Variants in ATP13A4 observed in about 807,000 individuals in gnomAD.
The protein encoded by ATP13A4 is ATPase 13A4, also known as probable cation-transporting ATPase 13A4.
A neutral mutation model predicts 142.5 loss-of-function variants in ATP13A4; 114 were observed. The ratio of observed to expected loss-of-function variants is 0.80; its 90% CI spans 0.69 to 0.93. The LOEUF (loss-of-function observed/expected upper bound fraction) is 0.93, where lower values mean the gene tolerates loss of function less well. ATP13A4 is among the 40% of genes least tolerant of loss of function. The pLI is 0.00. For synonymous variants in ATP13A4, 488 were observed against 514.8 expected, an observed-to-expected ratio of 0.95 and a Z score of 0.70; for missense variants, 1,392 against 1,454.0, an observed-to-expected ratio of 0.96 and a Z score of 0.69.
intron 25 of ATP13A4, among the ~76,000 whole-genome samples, chr3:193,425,514 T>C (rs76966919): frequency 0.014 from 2,067 of 151,850 alleles, 39 homozygotes; most frequent in African/African-American, 0.039. Flanking sequence ...CACGATGGAA[T>C]ACTATTGAGC....
chr3:193,447,097 G>T (rs116173858), intron 18 of ATP13A4, among the ~76,000 whole-genome samples: 1,666 of 152,264 alleles, frequency 0.011, 36 homozygotes, highest in African/African-American at 0.039. Context: ...ATTTCAATAT[G>T]AGAAAAGAGG....
intron 1 of ATP13A4, chr3:193,554,475 C>A: frequency 1.9e-6 from 1 of 536,320 alleles, no homozygotes; most frequent in Admixed American, 3.0e-5. Context: ...GCTTCTCTCC[C>A]TCTCTGTTTT....
At chr3:193,538,497 TAAA>T (rs376175094) in intron 1 of ATP13A4, among the ~76,000 whole-genome samples, 1 of 122,282 alleles carries the variant, frequency 8.2e-6, no homozygotes. Context: ...GAATCCACAT[TAAA>T]AAAAAAAAAA....
intron 25 of ATP13A4, among the ~76,000 whole-genome samples, chr3:193,417,972 A>G (rs1259510364): frequency 6.9e-6 from 1 of 145,488 alleles, no homozygotes. Context: ...AATACAAAAA[A>G]TTAGCCGGGC....
chr3:193,461,082 G>GTT (rs1209852241), intron 13 of ATP13A4, among the ~76,000 whole-genome samples: 1 of 152,056 alleles, frequency 6.6e-6, no homozygotes, highest in African/African-American at 2.4e-5. Flanking sequence ...TTGGAAGGCA[G>GTT]GAAGGCAGCA....
chr3:193,478,273 C>T lies in ATP13A4; in HGVS notation c.808+5663G>A, dbSNP rs141184164. Reference sequence around the variant, plus strand: ...GCAGAAGAAAATAAATAACCAAGATCAGAGCAGAACTAAATGAAATTGAAA... The same window carrying T: ...GCAGAAGAAAATAAATAACCAAGATTAGAGCAGAACTAAATGAAATTGAAA... On this transcript the variant is annotated intron_variant, in intron 8 of 29. Coordinates refer to ENST00000342695, the MANE Select transcript of ATP13A4 (RefSeq NM_032279.4). Among the ~76,000 whole-genome samples the T allele has an allele frequency of 1.1e-4, 17 of 151,184 alleles. No homozygotes were observed. The East Asian group carries it at 3.3e-3, about 29-fold the overall frequency.
chr3:193,412,532 C>G (rs1714823975), intron 26 of ATP13A4, among the ~76,000 whole-genome samples, 161 bp from the exon 27 acceptor site: 1 of 151,610 alleles, frequency 6.6e-6, no homozygotes, highest in Admixed American at 6.6e-5. Context: ...CACACACACA[C>G]ACACACACAC....
At chr3:193,435,574 G>A (rs1716218358) in intron 24 of ATP13A4, 74 bp downstream of exon 24, 2 of 1,133,062 alleles carry the variant, frequency 1.8e-6, no homozygotes, top group African/African-American at 1.5e-5. Flanking sequence ...TTCTTTGAGA[G>A]GCATTGTAAA....
At chr3:193,493,503 A>G (rs1287796465) in intron 3 of ATP13A4, among the ~76,000 whole-genome samples, 1 of 152,176 alleles carries the variant, frequency 6.6e-6, no homozygotes, top group Non-Finnish European at 1.5e-5. Context: ...AAATAAAAAC[A>G]TAATAACATA....
Position 193,401,689 on chromosome 3 carries a change from C to T in ATP13A4, c.*963G>A, listed in dbSNP as rs887313407. Among the ~76,000 whole-genome samples, 11 of 152,110 alleles carry T rather than the reference C, an allele frequency of 7.2e-5. No individual in the cohort carries two copies. Among genetic ancestry groups the T allele is most frequent in the African/African-American group, 2.7e-4 (11 of 41,420 alleles). ...TGGTACAAAATGAAAATATGGGGACCCCTGTTCAAAAATTAAGAATTTTAA... is the reference window on the plus strand; with the variant it reads ...TGGTACAAAATGAAAATATGGGGACTCCTGTTCAAAAATTAAGAATTTTAA... On this transcript the variant is annotated 3_prime_UTR_variant, in exon 30 of 30. Coordinates refer to ENST00000342695, the MANE Select transcript of ATP13A4 (RefSeq NM_032279.4).
At chr3:193,541,732 C>T (rs1722942365) in intron 1 of ATP13A4, among the ~76,000 whole-genome samples, 1 of 152,106 alleles carries the variant, frequency 6.6e-6, no homozygotes, top group Admixed American at 6.5e-5. Context: ...GACTCTGACC[C>T]CAACTCTAGG....
At chr3:193,532,124 G>A (rs562706076) in intron 1 of ATP13A4, among the ~76,000 whole-genome samples, 1 of 152,106 alleles carries the variant, frequency 6.6e-6, no homozygotes, top group South Asian at 2.1e-4. Context: ...AGAGGACCAG[G>A]GCATTGCCAG....
At chr3:193,468,335 A>T (rs1718424541) in intron 9 of ATP13A4, among the ~76,000 whole-genome samples, 1 of 152,212 alleles carries the variant, frequency 6.6e-6, no homozygotes, top group African/African-American at 2.4e-5. Flanking sequence ...AAGTCTGGTG[A>T]GGTTGGAGGC....
intron 1 of ATP13A4, among the ~76,000 whole-genome samples, chr3:193,528,759 T>C (rs1052511324): frequency 6.6e-6 from 1 of 152,172 alleles, no homozygotes; most frequent in Admixed American, 6.5e-5. Flanking sequence ...AAAAACTTTA[T>C]ATTACCACAC....
rs561723231 is a variant in ATP13A4 at position 193,463,681 on chromosome 3, G to A, written c.1462-858C>T. On this transcript the variant is annotated intron_variant, in intron 12 of 29. Transcript: ENST00000342695. The stretch of plus-strand genomic sequence containing the variant: ...ATAATCATAATTATTCATAATTATT[G>A]CTCATTTTTTATACAAATTGAGGTC... Among the ~76,000 whole-genome samples, 3 of 152,066 alleles carry A rather than the reference G, an allele frequency of 2.0e-5. No individual in the cohort carries two copies. The South Asian group carries it at 6.2e-4, about 32-fold the overall frequency.
chr3:193,514,919 C>A, intron 1 of ATP13A4, 48 bp from the exon 2 acceptor site: 2 of 1,587,298 alleles, frequency 1.3e-6, no homozygotes, highest in Non-Finnish European at 8.6e-7. Context: ...GCACAATAAA[C>A]AATAAATGAA....
intron 2 of ATP13A4, 53 bp downstream of exon 2, chr3:193,514,645 A>G (rs1721310024): frequency 6.2e-7 from 1 of 1,610,146 alleles, no homozygotes; most frequent in African/African-American, 1.3e-5. Flanking sequence ...CCCGTAACAC[A>G]TTGTCCAGAA....
chr3:193,416,079 C>A (rs1445366024), intron 25 of ATP13A4, among the ~76,000 whole-genome samples: 4 of 151,940 alleles, frequency 2.6e-5, no homozygotes, highest in Non-Finnish European at 5.9e-5. Flanking sequence ...TGTTTTTTCA[C>A]TCCTAGAGGT....
chr3:193,510,711 G>A (rs1312839189), intron 2 of ATP13A4, among the ~76,000 whole-genome samples: 3 of 152,066 alleles, frequency 2.0e-5, no homozygotes, highest in Admixed American at 6.5e-5. Context: ...CTTTCAGTCA[G>A]TACATCACCG....
Sources: allele counts gnomAD v4.1 joint callset (sites outside exome capture counted in the v4.1 genomes callset), GRCh38; gene constraint gnomAD v4.1.1; transcripts MANE v1.5; gene names NCBI Gene and HGNC (gene_info 2026-07-23, HGNC 2026-07-21).